Variants in PPP2R2A observed in about 807,000 individuals in gnomAD.
PPP2R2A encodes the protein serine/threonine-protein phosphatase 2A 55 kDa regulatory subunit B alpha isoform.
In PPP2R2A, 9 loss-of-function variants were observed where a neutral mutation model predicts 53.2. The observed-to-expected ratio is 0.17, with a 90% CI of 0.10 to 0.30. The LOEUF is 0.30. Among genes scored for constraint, PPP2R2A ranks in the 10% least tolerant of loss-of-function variants. The probability of loss-of-function intolerance (pLI) is 1.00; values close to 1 mark genes in which losing one functional copy is unlikely to be tolerated. For missense variants in PPP2R2A, 235 were observed against 534.6 expected (o/e 0.44, Z 5.53); for synonymous variants, 169 against 174.2 (o/e 0.97, Z 0.23).
At chr8:26,355,311 G>A (rs948725710) in intron 4 of PPP2R2A, among the ~76,000 whole-genome samples, 2 of 152,168 alleles carry the variant, frequency 1.3e-5, no homozygotes, top group Admixed American at 1.3e-4. Context: ...AGGCTGAAGT[G>A]CATTGGTGTA....
chr8:26,320,427 T>C (rs1190095716), intron 2 of PPP2R2A, among the ~76,000 whole-genome samples: 1 of 152,166 alleles, frequency 6.6e-6, no homozygotes, highest in Non-Finnish European at 1.5e-5. Flanking sequence ...AAGAGATACA[T>C]GATGTAGGGA....
rs17247395 is a variant in PPP2R2A, at chr8:26,333,588, A to G, written c.83-5302A>G. ...GAGCTGAGGTATTTAGAGAATGCCA[A>G]GGCTACTAATAATTTAGTCTTTTAA... On this transcript the variant is annotated intron_variant, in intron 2 of 9. Transcript: ENST00000380737. The G allele has an allele frequency of 3.7e-6, 4 of 1,093,638 alleles. No homozygotes were observed. The African/African-American group carries it at 6.5e-5, about 18-fold the overall frequency. The allele number at this position is 1,093,638 out of a possible 1,614,324, so 67.7% of individuals were successfully genotyped here.
At position 26,360,333 on chromosome 8, in the gene PPP2R2A, T is replaced by C. The variant is rs1187265657; in HGVS notation, c.459+52T>C. On this transcript the variant is annotated intron_variant, in intron 5 of 9. Coordinates refer to ENST00000380737, the MANE Select transcript of PPP2R2A (RefSeq NM_002717.4). This position sits in a 1 kb window ranked among gnomAD's most constrained non-coding sequence, Gnocchi z 4.5. ...AGATAGTGCTTGTATTCATATTATA[T>C]AGCCCAAATCCTGAGCAGAGCTTGA... 5 of 1,079,664 alleles carry C rather than the reference T, an allele frequency of 4.6e-6. 1 individual carries two copies. The South Asian group carries it at 6.9e-5, about 15-fold the overall frequency. 66.9% of individuals were successfully genotyped at this position (1,079,664 alleles called of 1,614,324 possible).
Position 26,362,043 on chromosome 8 carries a change from A to T in PPP2R2A, c.638-641A>T, listed in dbSNP as rs1355901633. Among the ~76,000 whole-genome samples, 2 of 149,774 alleles carry T rather than the reference A, an allele frequency of 1.3e-5. No homozygotes were observed. Among genetic ancestry groups the T allele is most frequent in the South Asian group, 2.1e-4 (1 of 4,810 alleles). ...TTAAGATTAGATTAAGATTAATCTT[A>T]AGATTAGATTAAGATTAATTTTAAG... On this transcript the variant is annotated intron_variant, in intron 6 of 9. Coordinates refer to ENST00000380737, the MANE Select transcript of PPP2R2A (RefSeq NM_002717.4). This position sits in a 1 kb window ranked among gnomAD's most constrained non-coding sequence, Gnocchi z 4.4.
chr8:26,355,319 G>A (rs1804718089), intron 4 of PPP2R2A, among the ~76,000 whole-genome samples: 1 of 152,146 alleles, frequency 6.6e-6, no homozygotes, highest in Non-Finnish European at 1.5e-5. Context: ...GTGCATTGGT[G>A]TAATCACAGC....
rs1017055146 is a variant in PPP2R2A, at chr8:26,291,760, G to C, written c.-60G>C. ...TACCCCCCCATCCCCAGGTGAGGGG[G>C]GTGAGTTCAGGAAGCGGAGACCCCG... On this transcript the variant is annotated 5_prime_UTR_variant, in exon 1 of 10. Transcript: ENST00000380737. 1.9e-6 allele frequency: 3 copies of C among 1,582,350 alleles called. No individual in the cohort carries two copies. Among genetic ancestry groups the C allele is most frequent in the African/African-American group, 1.4e-5 (1 of 72,266 alleles).
At chr8:26,302,007 A>G (rs147591056) in intron 2 of PPP2R2A, among the ~76,000 whole-genome samples, 33 of 152,336 alleles carry the variant, frequency 2.2e-4, no homozygotes, top group African/African-American at 6.7e-4. Flanking sequence ...ACACATGTCT[A>G]TTAAACGTTC....
At chr8:26,340,693 A>C (rs554261137) in intron 3 of PPP2R2A, among the ~76,000 whole-genome samples, 3 of 152,110 alleles carry the variant, frequency 2.0e-5, no homozygotes, top group Non-Finnish European at 4.4e-5. Flanking sequence ...GTCCAAGTCA[A>C]AATCAAGTGT....
intron 1 of PPP2R2A, chr8:26,293,177 T>C: frequency 1.4e-6 from 2 of 1,457,164 alleles, no homozygotes; most frequent in South Asian, 2.5e-5. Context: ...AAGAAATGGG[T>C]GTAGTGTTTG....
rs1480971308 is a variant in PPP2R2A at position 26,372,404 on chromosome 8, G to A, written c.*1991G>A. On this transcript the variant is annotated 3_prime_UTR_variant, in exon 10 of 10. Coordinates refer to ENST00000380737, the MANE Select transcript of PPP2R2A (RefSeq NM_002717.4). Reference sequence around the variant, plus strand: ...TTCCTACAGCTTGGTTGTATGTCTTGAGATAACACCACCAAACAGCTCTCA... The same window carrying A: ...TTCCTACAGCTTGGTTGTATGTCTTAAGATAACACCACCAAACAGCTCTCA... 1 of 152,074 alleles carries A rather than the reference G, an allele frequency of 6.6e-6. No individual in the cohort carries two copies. The highest frequency in any genetic ancestry group is 2.4e-5 in the African/African-American group (1 of 41,408). 9.4% of individuals were successfully genotyped at this position (152,074 alleles called of 1,614,324 possible).
At chr8:26,301,367 C>T (rs1801777204) in intron 2 of PPP2R2A, among the ~76,000 whole-genome samples, 1 of 139,716 alleles carries the variant, frequency 7.2e-6, no homozygotes, top group Non-Finnish European at 1.5e-5. Flanking sequence ...GGGTCTTGCT[C>T]TGTCATCCTG....
intron 4 of PPP2R2A, among the ~76,000 whole-genome samples, chr8:26,355,487 G>T (rs918913881): frequency 1.4e-4 from 21 of 152,200 alleles, no homozygotes; most frequent in African/African-American, 4.8e-4. Flanking sequence ...CAAGCAGTCT[G>T]CCCCGCTCAG....
At position 26,354,654 on chromosome 8, in the gene PPP2R2A, T is replaced by G; in HGVS notation, c.346+21T>G. The G allele has an allele frequency of 6.4e-7, 1 of 1,558,792 alleles. No homozygotes were observed. Among genetic ancestry groups the G allele is most frequent in the Non-Finnish European group, 8.7e-7 (1 of 1,148,650 alleles). The stretch of plus-strand genomic sequence containing the variant: ...CAATGGTAAGTATACATATTTTCTT[T>G]CCATGTGCCCACTGTGTGTACCTGT... On this transcript the variant is annotated intron_variant, in intron 4 of 9. Transcript: ENST00000380737. This position sits in a 1 kb window ranked among gnomAD's most constrained non-coding sequence, Gnocchi z 4.6.
At chr8:26,302,703 A>G (rs896995784) in intron 2 of PPP2R2A, among the ~76,000 whole-genome samples, 2 of 152,226 alleles carry the variant, frequency 1.3e-5, no homozygotes, top group Non-Finnish European at 2.9e-5. Flanking sequence ...AACTGACAGA[A>G]TATATTGTGG....
intron 2 of PPP2R2A, among the ~76,000 whole-genome samples, chr8:26,316,068 G>A (rs1376776138): frequency 6.6e-6 from 1 of 152,024 alleles, no homozygotes. Flanking sequence ...ACAACGGTGC[G>A]ACCTCGGCTC....
intron 2 of PPP2R2A, among the ~76,000 whole-genome samples, chr8:26,311,782 T>G (rs965831377): frequency 6.6e-6 from 1 of 152,184 alleles, no homozygotes; most frequent in Non-Finnish European, 1.5e-5. Flanking sequence ...GTTTTATTCT[T>G]CCCTATAATT....
rs1238041398 is a variant in PPP2R2A at position 26,371,552 on chromosome 8, T to TAA, written c.*1139_*1140insAA. On this transcript the variant is annotated 3_prime_UTR_variant, in exon 10 of 10. Coordinates refer to ENST00000380737, the MANE Select transcript of PPP2R2A (RefSeq NM_002717.4). ...AAAACATTTTTAACAAGTTAGAACT[T>TAA]TTTTGTTATTCAGTCATATAAAATA... 6.6e-6 allele frequency: 1 copy of TAA among 152,168 alleles called. No homozygotes were observed. The highest frequency in any genetic ancestry group is 1.5e-5 in the Non-Finnish European group (1 of 68,018). The allele number at this position is 152,168 out of a possible 1,614,324, so 9.4% of individuals were successfully genotyped here. A position where few individuals can be genotyped will look rare whatever the true frequency, so the allele number is the denominator to read the frequency against.
chr8:26,336,544 G>A (rs6987287), intron 2 of PPP2R2A, among the ~76,000 whole-genome samples: 2,912 of 152,060 alleles, frequency 0.019, 92 homozygotes, highest in African/African-American at 0.067. Flanking sequence ...GGTTTTACGT[G>A]TTCAGTTCAC....
In PPP2R2A at chr8:26,362,886, TTC is replaced by T. The variant is rs1563325486; in HGVS notation, c.802+40_802+41del. On this transcript the variant is annotated intron_variant, in intron 7 of 9. Coordinates refer to ENST00000380737, the MANE Select transcript of PPP2R2A (RefSeq NM_002717.4). This position sits in a 1 kb window ranked among gnomAD's most constrained non-coding sequence, Gnocchi z 4.4. ...TATCTTTCCTTAAAATGATTACATA[TTC>T]TGTTTGTCTGAAATAAGCCTCAGAC... The T allele has an allele frequency of 6.3e-7, 1 of 1,579,634 alleles. No individual in the cohort carries two copies. Among genetic ancestry groups the T allele is most frequent in the Non-Finnish European group, 8.7e-7 (1 of 1,154,964 alleles).
Sources: gnomAD v4.1 joint callset for allele counts (sites outside exome capture counted in the v4.1 genomes callset) on GRCh38, gnomAD v4.1.1 for gene constraint, Gnocchi (gnomAD v3.1) non-coding constraint, MANE v1.5 for transcripts, NCBI Gene and HGNC (gene_info 2026-07-23, HGNC 2026-07-21) for gene names.